The following SMC6 variants were observed in gnomAD, a reference collection of about 807,000 sequenced individuals.
SMC6 encodes the protein structural maintenance of chromosomes 6.
Under a neutral mutation model 142.2 loss-of-function variants are expected in SMC6, and 79 were observed. The ratio of observed to expected loss-of-function variants is 0.56; its 90% CI spans 0.46 to 0.67. The LOEUF (loss-of-function observed/expected upper bound fraction) is 0.67. Ranked by LOEUF, SMC6 falls within the 30% of genes least tolerant of loss-of-function variation. The pLI, the probability that SMC6 is intolerant of heterozygous loss-of-function variation, is 0.00. For missense variants in SMC6, 1,072 were observed against 1,284.0 expected, an observed-to-expected ratio of 0.83 and a Z score of 2.52; for synonymous variants, 411 against 412.4, an observed-to-expected ratio of 1.00 and a Z score of 0.04.
intron 19 of SMC6, 53 bp from the exon 20 acceptor site, chr2:17,701,962 A>C: frequency 1.1e-6 from 1 of 942,772 alleles, no homozygotes; most frequent in Non-Finnish European, 1.6e-6. Flanking sequence ...TTAAACCGAA[A>C]ACCTTGGAAA....
In SMC6 at chr2:17,685,192, C is replaced by T. The variant is rs567545881; in HGVS notation, c.2679-1429G>A. Among the ~76,000 whole-genome samples the T allele has an allele frequency of 2.8e-4, 41 of 147,416 alleles. 1 individual carries two copies. Among genetic ancestry groups the T allele is most frequent in the African/African-American group, 9.5e-4 (38 of 39,864 alleles). On this transcript the variant is annotated intron_variant, in intron 23 of 27. Coordinates refer to ENST00000448223, the MANE Select transcript of SMC6 (RefSeq NM_001142286.2). ...GAGAAGATATAGATATTCAACATAA[C>T]TAAAGACCTCAAAAAAAAACCAAAA... is the stretch of plus-strand genomic sequence containing the variant.
intron 15 of SMC6, 96 bp from the exon 16 acceptor site, chr2:17,715,161 T>G: frequency 8.6e-7 from 1 of 1,159,246 alleles, no homozygotes; most frequent in Non-Finnish European, 1.2e-6. Context: ...TGACTTATAT[T>G]TTTATATAAA....
rs1256021464 is a variant in SMC6 at position 17,671,844 on chromosome 2, A to AT, written c.2911-1270dup. On this transcript the variant is annotated intron_variant, in intron 25 of 27. Transcript: ENST00000448223. ...ATACAATAACATTAGGAAGGGTTCT[A>AT]TTTTTTTGACAAAATTCCAGATATA... 1.9e-4 allele frequency among the ~76,000 whole-genome samples: 29 copies of AT among 152,044 alleles called. No individual in the cohort carries two copies. The East Asian group carries it at 5.6e-3, about 29-fold the overall frequency.
chr2:17,702,973 A>G (rs1240536844), intron 19 of SMC6, among the ~76,000 whole-genome samples, 184 bp downstream of exon 19: 2 of 152,148 alleles, frequency 1.3e-5, no homozygotes, highest in Non-Finnish European at 2.9e-5. Context: ...ATTTTGTTTT[A>G]ATTTTTAAAA....
At chr2:17,698,709 A>T (rs1039859285) in intron 21 of SMC6, among the ~76,000 whole-genome samples, 4 of 152,064 alleles carry the variant, frequency 2.6e-5, no homozygotes, top group African/African-American at 9.7e-5. Context: ...GTAAGTCTAA[A>T]TTTAAGTCTG....
chr2:17,666,153 A>T (rs2103451993), intron 27 of SMC6, among the ~76,000 whole-genome samples: 1 of 152,374 alleles, frequency 6.6e-6, no homozygotes, highest in Non-Finnish European at 1.5e-5. Context: ...AAATTATATT[A>T]CTTTAGTTTG....
At chr2:17,674,720 T>C (rs1237225869) in intron 25 of SMC6, among the ~76,000 whole-genome samples, 2 of 152,146 alleles carry the variant, frequency 1.3e-5, no homozygotes, top group African/African-American at 4.8e-5. Context: ...TGTTATTAGG[T>C]ATATACAAAT....
At chr2:17,681,946 C>A (rs543012874) in intron 24 of SMC6, 2 of 151,888 alleles carry the variant, frequency 1.3e-5, no homozygotes, top group Admixed American at 1.3e-4. Flanking sequence ...AAGTGAACTG[C>A]AGTAAAATGA....
At position 17,678,795 on chromosome 2, in the gene SMC6, A is replaced by C. The variant is rs1667114383; in HGVS notation, c.2910+64T>G. 5 of 1,264,934 alleles carry C rather than the reference A, an allele frequency of 4.0e-6. No homozygotes were observed. The South Asian group carries it at 6.8e-5, about 17-fold the overall frequency. 78.4% of individuals were successfully genotyped at this position (1,264,934 alleles called of 1,614,324 possible). On this transcript the variant is annotated intron_variant, in intron 25 of 27. Coordinates refer to ENST00000448223, the MANE Select transcript of SMC6 (RefSeq NM_001142286.2). ...TGCCTCTAAAAAAAACCCAACAAAA[A>C]TAGAAAAGAAAAGAAACAACTAGTT...
intron 23 of SMC6, among the ~76,000 whole-genome samples, chr2:17,687,642 C>T (rs148919803): frequency 6.6e-6 from 1 of 152,176 alleles, no homozygotes; most frequent in Non-Finnish European, 1.5e-5. Context: ...GGGAGTGGGC[C>T]AGGGGAAATG....
chr2:17,751,004 T>TTA (rs1671000922), intron 2 of SMC6, among the ~76,000 whole-genome samples: 1 of 13,088 alleles, frequency 7.6e-5, no homozygotes, highest in Non-Finnish European at 1.9e-4. Flanking sequence ...AACAGCTGTC[T>TTA]CAAAAAAAAA....
chr2:17,744,820 C>T (rs1670658268), intron 3 of SMC6, among the ~76,000 whole-genome samples: 1 of 152,160 alleles, frequency 6.6e-6, no homozygotes, highest in African/African-American at 2.4e-5. Context: ...ACTTTTGCTG[C>T]ACTGAGTGAT....
chr2:17,746,871 T>G (rs150440007), intron 2 of SMC6, among the ~76,000 whole-genome samples: 1 of 152,154 alleles, frequency 6.6e-6, no homozygotes, highest in Non-Finnish European at 1.5e-5. Context: ...AATCAAAAAT[T>G]TCTAAGATAT....
At chr2:17,726,203 G>A (rs1356399950) in intron 8 of SMC6, among the ~76,000 whole-genome samples, 186 bp downstream of exon 8, 2 of 139,358 alleles carry the variant, frequency 1.4e-5, no homozygotes, top group African/African-American at 5.4e-5. Context: ...TAAAAACAAA[G>A]ATTTAAAAAA....
chr2:17,690,863 T>C (rs1667674972), intron 23 of SMC6, among the ~76,000 whole-genome samples: 1 of 151,868 alleles, frequency 6.6e-6, no homozygotes, highest in Admixed American at 6.6e-5. Flanking sequence ...GTTTAGGCTG[T>C]AGGAAAACAG....
rs372359164 is a variant in SMC6 at position 17,745,847 on chromosome 2, C to T, written c.100G>A (p.Glu34Lys). The stretch of plus-strand genomic sequence containing the variant: ...CTTACCAAAGTAGTACCTTTACATT[C>T]GTCTTCGTCACCATCTTTATCAAAA... ...EDFDKDGDED[E>K]CKGTTLTAAE... The change falls in exon 3 of 28, where the codon GAA becomes AAA. Residue 34 changes from glutamate to lysine, a missense_variant. Coordinates refer to ENST00000448223, the MANE Select transcript of SMC6 (RefSeq NM_001142286.2). 7 of 1,610,960 alleles carry T rather than the reference C, an allele frequency of 4.3e-6. No homozygotes were observed. The highest frequency in any genetic ancestry group is 1.3e-5 in the African/African-American group (1 of 74,914).
intron 23 of SMC6, among the ~76,000 whole-genome samples, chr2:17,685,982 T>A (rs977382843): frequency 1.1e-4 from 17 of 152,040 alleles, no homozygotes; most frequent in African/African-American, 3.9e-4. Context: ...TCACAAGGTA[T>A]AAAAATGATT....
chr2:17,723,681 C>T (rs945422612), intron 9 of SMC6, among the ~76,000 whole-genome samples: 3 of 152,152 alleles, frequency 2.0e-5, no homozygotes, highest in Non-Finnish European at 2.9e-5. Flanking sequence ...GTAGTCCTCA[C>T]GATACTCAAA....
intron 11 of SMC6, among the ~76,000 whole-genome samples, chr2:17,720,656 CTCT>C (rs1669321973): frequency 6.6e-6 from 1 of 152,128 alleles, no homozygotes; most frequent in South Asian, 2.1e-4. Flanking sequence ...AAGCTTCATG[CTCT>C]TCTTCTATGT....
Sources: gnomAD v4.1 joint callset for allele counts (sites outside exome capture counted in the v4.1 genomes callset) on GRCh38, gnomAD v4.1.1 for gene constraint, MANE v1.5 for transcripts, NCBI Gene and HGNC (gene_info 2026-07-23, HGNC 2026-07-21) for gene names.